The following SORCS1 variants were observed in gnomAD, a reference collection of about 807,000 sequenced individuals.
SORCS1 encodes the protein sortilin related VPS10 domain containing receptor 1, also known as VPS10 domain-containing receptor SorCS1.
A neutral mutation model predicts 146.1 loss-of-function variants in SORCS1; 60 were observed. The ratio of observed to expected loss-of-function variants is 0.41; its 90% CI spans 0.33 to 0.51. The LOEUF is 0.51. Among genes scored for constraint, SORCS1 ranks in the 20% least tolerant of loss-of-function variants. The pLI is 0.21. For synonymous variants in SORCS1, 637 were observed against 584.0 expected (o/e 1.09, Z -1.31); for missense variants, 1,352 against 1,487.6 (o/e 0.91, Z 1.50).
chr10:106,956,270 C>T (rs573979209), intron 2 of SORCS1, among the ~76,000 whole-genome samples: 1 of 152,154 alleles, frequency 6.6e-6, no homozygotes, highest in African/African-American at 2.4e-5. Flanking sequence ...ATAAACACAA[C>T]CTATCATACA....
chr10:107,049,206 G>A (rs1047241648), intron 1 of SORCS1, among the ~76,000 whole-genome samples: 1 of 145,808 alleles, frequency 6.9e-6, no homozygotes, highest in African/African-American at 2.5e-5. Context: ...CATAGGTGGT[G>A]GGAATTGAAC....
At chr10:107,163,039 C>T (rs1036548923) in intron 1 of SORCS1, among the ~76,000 whole-genome samples, 2 of 152,208 alleles carry the variant, frequency 1.3e-5, no homozygotes, top group African/African-American at 4.8e-5. Flanking sequence ...TCAATTTAAA[C>T]AGGAATAGCT....
chr10:106,812,653 T>C (rs1947529147), intron 3 of SORCS1, among the ~76,000 whole-genome samples: 1 of 152,194 alleles, frequency 6.6e-6, no homozygotes, highest in Admixed American at 6.5e-5. Flanking sequence ...AGTTATTCAC[T>C]AGGATCCATG....
intron 20 of SORCS1, 37 bp from the exon 21 acceptor site, chr10:106,618,309 C>G (rs767775440): frequency 6.2e-7 from 1 of 1,607,808 alleles, no homozygotes; most frequent in South Asian, 1.1e-5. Flanking sequence ...AGGGAAAGCT[C>G]TTTAGTTACA....
chr10:106,638,758 G>C (rs1269284627), intron 18 of SORCS1, among the ~76,000 whole-genome samples: 1 of 152,070 alleles, frequency 6.6e-6, no homozygotes, highest in African/African-American at 2.4e-5. Context: ...TTTTAAAGAG[G>C]TGCTGTATGT....
intron 1 of SORCS1, among the ~76,000 whole-genome samples, chr10:107,079,139 T>C (rs570779728): frequency 1.8e-3 from 272 of 150,688 alleles, no homozygotes; most frequent in Non-Finnish European, 3.0e-3. Flanking sequence ...GTCAGGAAAA[T>C]GACATGAACC....
intron 3 of SORCS1, among the ~76,000 whole-genome samples, chr10:106,813,463 C>G (rs963030231): frequency 2.6e-4 from 39 of 152,102 alleles, no homozygotes; most frequent in African/African-American, 9.4e-4. Flanking sequence ...TGCATTCCCT[C>G]CAATGGAGAA....
chr10:107,014,253 C>CAAAAA (rs562179526), intron 1 of SORCS1, among the ~76,000 whole-genome samples: 20 of 78,420 alleles, frequency 2.6e-4, no homozygotes, highest in Non-Finnish European at 4.1e-4. Context: ...GACCCTGCGT[C>CAAAAA]AAAAAAAAAA....
chr10:106,906,339 C>T (rs1238922840), intron 2 of SORCS1, among the ~76,000 whole-genome samples: 1 of 152,190 alleles, frequency 6.6e-6, no homozygotes, highest in African/African-American at 2.4e-5. Flanking sequence ...GTCTTGAACT[C>T]CTGACCTCAG....
At chr10:107,178,420 C>T in the SORCS1 span, among the ~76,000 whole-genome samples, 1 of 151,806 alleles carries the variant, frequency 6.6e-6, no homozygotes, top group Non-Finnish European at 1.5e-5. Flanking sequence ...TTTCACTTAA[C>T]GTGATGACCT....
chr10:106,836,598 T>C (rs1230145592), intron 2 of SORCS1, among the ~76,000 whole-genome samples: 1 of 152,076 alleles, frequency 6.6e-6, no homozygotes, highest in Non-Finnish European at 1.5e-5. Flanking sequence ...AGGAGATGTA[T>C]TCAGAAAACC....
intron 2 of SORCS1, among the ~76,000 whole-genome samples, chr10:106,885,295 G>A (rs866704019): frequency 5.0e-5 from 7 of 140,062 alleles, no homozygotes; most frequent in Non-Finnish European, 9.3e-5. Flanking sequence ...TGGGGGGGGG[G>A]AACTTGAAGA....
intron 1 of SORCS1, among the ~76,000 whole-genome samples, chr10:107,123,245 T>G (rs2134559921): frequency 6.6e-6 from 1 of 152,336 alleles, no homozygotes; most frequent in Middle Eastern, 3.4e-3. Context: ...GGTACTTGTA[T>G]TCACAGTTTT....
chr10:106,772,007 G>A (rs1313179652), intron 4 of SORCS1, among the ~76,000 whole-genome samples: 1 of 152,214 alleles, frequency 6.6e-6, no homozygotes, highest in East Asian at 1.9e-4. Flanking sequence ...AACTATGATG[G>A]TGGTCAATTT....
chr10:107,150,636 T>C (rs1968712282), intron 1 of SORCS1, among the ~76,000 whole-genome samples: 1 of 152,184 alleles, frequency 6.6e-6, no homozygotes, highest in Non-Finnish European at 1.5e-5. Flanking sequence ...TCCATCCAAA[T>C]CTCATCTTCA....
intron 2 of SORCS1, among the ~76,000 whole-genome samples, chr10:106,927,574 C>T (rs7088188): frequency 0.88 from 133,209 of 152,036 alleles, 60,074 homozygotes; most frequent in Non-Finnish European, 1. Context: ...TGTTTATTCT[C>T]ATGTGGCCCC....
At chr10:106,739,291 G>A (rs949930627) in intron 5 of SORCS1, among the ~76,000 whole-genome samples, 9 of 150,784 alleles carry the variant, frequency 6.0e-5, no homozygotes, top group African/African-American at 2.2e-4. Flanking sequence ...TTTGAGACCA[G>A]CCTGGCCAAC....
At chr10:106,939,559 T>C (rs991153430) in intron 2 of SORCS1, among the ~76,000 whole-genome samples, 2 of 152,224 alleles carry the variant, frequency 1.3e-5, no homozygotes, top group African/African-American at 4.8e-5. Context: ...AGGAATTGAT[T>C]GCATCTCCTG....
intron 2 of SORCS1, among the ~76,000 whole-genome samples, chr10:106,885,979 TG>T (rs1950985527): frequency 6.6e-6 from 1 of 152,158 alleles, no homozygotes; most frequent in African/African-American, 2.4e-5. Context: ...ACCTCTTTCT[TG>T]GCCAGGTGCA....
Sources: allele counts gnomAD v4.1 joint callset (sites outside exome capture counted in the v4.1 genomes callset), GRCh38; gene constraint gnomAD v4.1.1; transcripts MANE v1.5; gene names NCBI Gene and HGNC (gene_info 2026-07-23, HGNC 2026-07-21).